The following GRIP2 variants were observed in gnomAD, a reference collection of about 807,000 sequenced individuals.
The protein encoded by GRIP2 is glutamate receptor-interacting protein 2.
GRIP2 carries 58 observed loss-of-function variants against 108.3 expected under a neutral mutation model. That is an observed-to-expected ratio of 0.54 (90% confidence interval 0.43 to 0.67). The LOEUF is 0.67. GRIP2 is among the 30% of genes least tolerant of loss of function. The pLI is 0.00. For missense variants in GRIP2, 1,278 were observed against 1,430.6 expected (o/e 0.89, Z 1.72); for synonymous variants, 586 against 598.2 (o/e 0.98, Z 0.30).
chr3:14,560,122 T>A (rs569286098), upstream of GRIP2, among the ~76,000 whole-genome samples: 29 of 151,850 alleles, frequency 1.9e-4, no homozygotes, highest in Admixed American at 3.3e-4. Flanking sequence ...GGCATGGTGG[T>A]GCATGCCTAT....
chr3:14,593,398 G>A, the GRIP2 span, among the ~76,000 whole-genome samples: 7 of 152,290 alleles, frequency 4.6e-5, no homozygotes, highest in South Asian at 2.1e-4. Flanking sequence ...CATGGCTCCC[G>A]CTTCCGGCAA....
At chr3:14,501,193 G>A (rs1266180896) in intron 21 of GRIP2, among the ~76,000 whole-genome samples, 1 of 152,174 alleles carries the variant, frequency 6.6e-6, no homozygotes, top group African/African-American at 2.4e-5. Flanking sequence ...GATAGCAATT[G>A]CCAGGGGATG....
At chr3:14,583,358 G>C in the GRIP2 span, among the ~76,000 whole-genome samples, 1 of 152,178 alleles carries the variant, frequency 6.6e-6, no homozygotes, top group South Asian at 2.1e-4. Flanking sequence ...GAGATGTCTC[G>C]AGAGATGTCC....
chr3:14,587,503 G>A, the GRIP2 span, among the ~76,000 whole-genome samples: 32 of 152,222 alleles, frequency 2.1e-4, no homozygotes, highest in African/African-American at 7.5e-4. Flanking sequence ...GCCAGGCATG[G>A]TGGCGGGCAC....
At chr3:14,589,798 T>TTTTTG in the GRIP2 span, among the ~76,000 whole-genome samples, 1 of 150,480 alleles carries the variant, frequency 6.6e-6, no homozygotes. Flanking sequence ...TTTTTTTTTT[T>TTTTTG]GAGACAAGGT....
At chr3:14,519,089 C>T (rs983248464) in intron 9 of GRIP2, among the ~76,000 whole-genome samples, 2 of 152,166 alleles carry the variant, frequency 1.3e-5, no homozygotes, top group African/African-American at 2.4e-5. Flanking sequence ...GCCGCGGCAC[C>T]GAACCTGGCA....
Position 14,555,836 on chromosome 3 carries a change from G to C in GRIP2, c.55+64C>G, listed in dbSNP as rs1290650973. ...GGGGAGGGAGAGCAGGGGTGACTGA[G>C]GACAGGCAGGGAGCCTGGGAAGTCC... On this transcript the variant is annotated intron_variant, in intron 1 of 23. Transcript: ENST00000637182. 10 of 399,136 alleles carry C rather than the reference G, an allele frequency of 2.5e-5. No individual in the cohort carries two copies. The East Asian group carries it at 3.6e-4, about 14-fold the overall frequency. 24.7% of individuals were successfully genotyped at this position (399,136 alleles called of 1,614,324 possible). A position where few individuals can be genotyped will look rare whatever the true frequency, so the allele number is the denominator to read the frequency against.
the GRIP2 span, among the ~76,000 whole-genome samples, chr3:14,562,187 T>C: frequency 6.6e-6 from 1 of 152,184 alleles, no homozygotes; most frequent in Non-Finnish European, 1.5e-5. Context: ...TCTAAATTCC[T>C]TTGCCCAGCA....
intron 16 of GRIP2, among the ~76,000 whole-genome samples, chr3:14,510,180 C>T (rs1694044107): frequency 6.6e-6 from 1 of 151,874 alleles, no homozygotes; most frequent in Admixed American, 6.6e-5. Flanking sequence ...ACAATAATGA[C>T]AACATTGATG....
chr3:14,514,593 C>T, intron 11 of GRIP2, 115 bp from the exon 12 acceptor site: 4 of 1,069,414 alleles, frequency 3.7e-6, no homozygotes. Flanking sequence ...GAAGTGGGAG[C>T]CCTGACTCAG....
intron 23 of GRIP2, among the ~76,000 whole-genome samples, chr3:14,494,387 T>C (rs1321717500): frequency 6.6e-6 from 1 of 152,256 alleles, no homozygotes; most frequent in Non-Finnish European, 1.5e-5. Context: ...GAGTGCCCAG[T>C]ACACGATGTC....
At chr3:14,572,963 C>G in the GRIP2 span, 37 of 1,474,116 alleles carry the variant, frequency 2.5e-5, 1 homozygote, top group South Asian at 3.9e-4. Context: ...AGAGGACCAC[C>G]AGGCCAGCCA....
At chr3:14,532,935 A>C (rs569819703) in intron 1 of GRIP2, among the ~76,000 whole-genome samples, 1 of 152,304 alleles carries the variant, frequency 6.6e-6, no homozygotes, top group African/African-American at 2.4e-5. Flanking sequence ...AACCATTGAG[A>C]AAGGTCCCAG....
At chr3:14,578,062 C>A in the GRIP2 span, among the ~76,000 whole-genome samples, 1 of 152,222 alleles carries the variant, frequency 6.6e-6, no homozygotes, top group Non-Finnish European at 1.5e-5. Flanking sequence ...TGAGCAGAGG[C>A]AGACTCTCGT....
chr3:14,495,762 G>A (rs1349352355), intron 22 of GRIP2, among the ~76,000 whole-genome samples: 2 of 152,140 alleles, frequency 1.3e-5, no homozygotes, highest in East Asian at 3.8e-4. Context: ...CTCATTGAAG[G>A]TAGGGATGTA....
At chr3:14,528,996 C>A (rs1180979213) in intron 1 of GRIP2, among the ~76,000 whole-genome samples, 2 of 151,844 alleles carry the variant, frequency 1.3e-5, no homozygotes, top group African/African-American at 4.8e-5. Context: ...TGTGGCTGGG[C>A]GTGGTGGCTC....
intron 13 of GRIP2, 39 bp downstream of exon 13, chr3:14,513,626 C>T: frequency 1.3e-6 from 2 of 1,577,506 alleles, no homozygotes; most frequent in South Asian, 2.3e-5. Context: ...GGGTGCAGGG[C>T]CCTGAAATAT....
In GRIP2 at chr3:14,513,665, CCG is replaced by C; in HGVS notation, c.1637_1638del (p.Ala546GlyfsTer64). 6.2e-7 allele frequency: 1 copy of C among 1,607,994 alleles called. No homozygotes were observed. Among genetic ancestry groups the C allele is most frequent in the Non-Finnish European group, 8.5e-7 (1 of 1,177,516 alleles). ...GAGGAAGCTTGGGCCACTCACTCAC[CCG>C]CCACATCGAACTCCACCTCCAGCAC... The part of the protein sequence containing the change: ...KVVLEVEFDV[A>X]ESVIPSSGTF... On this transcript the variant is annotated frameshift_variant and splice_region_variant, in exon 13 of 24. Transcript: ENST00000621039. LOFTEE classifies it high-confidence loss of function.
Position 14,514,208 on chromosome 3 carries a change from C to T in GRIP2, c.1493+84G>A, listed in dbSNP as rs542193343. ...GCTGATGCAATGGTTAAGTGAGATG[C>T]GCTTGTGAAGCTAGGGCTTGGTGCT... is the stretch of plus-strand genomic sequence containing the variant. On this transcript the variant is annotated intron_variant, in intron 12 of 23. Transcript: ENST00000621039. The T allele has an allele frequency of 1.5e-3, 1,923 of 1,244,552 alleles. 2 individuals carry two copies. The highest frequency in any genetic ancestry group is 1.9e-3 in the Non-Finnish European group (1,725 of 897,190). 77.1% of individuals were successfully genotyped at this position (1,244,552 alleles called of 1,614,324 possible).
Sources: allele counts gnomAD v4.1 joint callset (sites outside exome capture counted in the v4.1 genomes callset), GRCh38; gene constraint gnomAD v4.1.1; transcripts MANE v1.5; gene names NCBI Gene and HGNC (gene_info 2026-07-23, HGNC 2026-07-21).